BDNF: variants seen among roughly 807,000 people sequenced by gnomAD.
The protein encoded by BDNF is brain derived neurotrophic factor, also known as neurotrophic factor BDNF precursor form.
BDNF carries 1 observed loss-of-function variant against 19.5 expected under a neutral mutation model. The ratio of observed to expected loss-of-function variants is 0.05; its 90% confidence interval spans 0.02 to 0.24. The LOEUF (loss-of-function observed/expected upper bound fraction) is 0.24, where lower values mean the gene tolerates loss of function less well. BDNF is among the 10% of genes least tolerant of loss of function. BDNF has a pLI of 1.00. For synonymous variants in BDNF, 100 were observed against 121.6 expected (o/e 0.82, Z 1.17); for missense variants, 195 against 317.6 (o/e 0.61, Z 2.93).
intron 1 of BDNF, among the ~76,000 whole-genome samples, chr11:27,684,834 C>T (rs1356015147): frequency 6.6e-6 from 1 of 152,154 alleles, no homozygotes; most frequent in African/African-American, 2.4e-5. Flanking sequence ...CATCAATGTT[C>T]ATCAGGGATA....
At position 27,656,922 on chromosome 11, in the gene BDNF, T is replaced by C. The variant is rs890872528; in HGVS notation, c.*899A>G. ...TTCAGAACGCGCAACTGATTTTTCT[T>C]CCTTAAAACAAAACAAAGAGGAGAC... On this transcript the variant is annotated 3_prime_UTR_variant, in exon 2 of 2. Coordinates refer to ENST00000356660, the MANE Select transcript of BDNF (RefSeq NM_001709.5). 3.0e-6 allele frequency: 3 copies of C among 985,168 alleles called. No individual in the cohort carries two copies. Among genetic ancestry groups the C allele is most frequent in the Middle Eastern group, 5.2e-4 (1 of 1,936 alleles). The allele number at this position is 985,168 out of a possible 1,614,324, so 61.0% of individuals were successfully genotyped here.
At chr11:27,681,417 A>G (rs1041141715) in intron 1 of BDNF, among the ~76,000 whole-genome samples, 2 of 152,144 alleles carry the variant, frequency 1.3e-5, no homozygotes, top group African/African-American at 4.8e-5. Context: ...ACACACAATA[A>G]TGTTTTGTTA....
chr11:27,691,931 T>TA (rs555373974), intron 1 of BDNF, among the ~76,000 whole-genome samples: 65 of 152,202 alleles, frequency 4.3e-4, no homozygotes, highest in African/African-American at 1.3e-3. Flanking sequence ...TACTGAACCC[T>TA]AAAAAAATAT....
intron 1 of BDNF, among the ~76,000 whole-genome samples, chr11:27,687,240 G>A (rs1208509089): frequency 6.6e-6 from 1 of 152,120 alleles, no homozygotes; most frequent in East Asian, 1.9e-4. Flanking sequence ...TTCTCGTGCT[G>A]TGTTTTTCAG....
intron 1 of BDNF, among the ~76,000 whole-genome samples, chr11:27,699,870 C>G (rs1859695704): frequency 1.3e-5 from 2 of 152,282 alleles, no homozygotes; most frequent in Non-Finnish European, 2.9e-5. Context: ...GAGGGATCCC[C>G]GGGTCGCCGT....
intron 1 of BDNF, among the ~76,000 whole-genome samples, chr11:27,709,122 C>A (rs1036903256): frequency 2.0e-5 from 3 of 152,120 alleles, no homozygotes; most frequent in African/African-American, 7.2e-5. Context: ...AGCCACCGCG[C>A]CTGGCTAGAA....
At chr11:27,697,197 C>A (rs1236893915) in intron 1 of BDNF, among the ~76,000 whole-genome samples, 1 of 99,516 alleles carries the variant, frequency 1.0e-5, no homozygotes, top group Non-Finnish European at 2.6e-5. Context: ...AGAGAGAGAG[C>A]ACCCCAGGTT....
chr11:27,664,207 A>G (rs1853933547), intron 1 of BDNF, among the ~76,000 whole-genome samples: 1 of 152,166 alleles, frequency 6.6e-6, no homozygotes, highest in South Asian at 2.1e-4. Context: ...GATACAAACT[A>G]TTAAGAGTTG....
chr11:27,701,564 A>G, upstream of BDNF: 1 of 986,638 alleles, frequency 1.0e-6, no homozygotes, highest in East Asian at 1.1e-4. Flanking sequence ...AGGCAGGGAG[A>G]TTTCATGCTA....
At chr11:27,662,252 A>T (rs1853577720) in intron 1 of BDNF, among the ~76,000 whole-genome samples, 1 of 152,188 alleles carries the variant, frequency 6.6e-6, no homozygotes, top group Admixed American at 6.5e-5. Flanking sequence ...GTATTTGCTC[A>T]TTCTAGTCAG....
intron 1 of BDNF, among the ~76,000 whole-genome samples, chr11:27,690,691 A>G (rs1056417261): frequency 3.3e-5 from 5 of 152,194 alleles, no homozygotes; most frequent in Non-Finnish European, 7.4e-5. Context: ...CTGTTACTAA[A>G]TTACTAAATT....
At chr11:27,686,154 CTTCT>C (rs1309832685) in intron 1 of BDNF, among the ~76,000 whole-genome samples, 4 of 152,132 alleles carry the variant, frequency 2.6e-5, no homozygotes, top group African/African-American at 4.8e-5. Context: ...ATGTAATGGC[CTTCT>C]TTGTCTCTTT....
chr11:27,671,702 A>AT (rs1324113203), intron 1 of BDNF, among the ~76,000 whole-genome samples: 1 of 152,180 alleles, frequency 6.6e-6, no homozygotes, highest in Non-Finnish European at 1.5e-5. Context: ...ACAGGCTGAA[A>AT]TTAAGTGAAA....
chr11:27,683,194 G>A (rs1857060421), intron 1 of BDNF, among the ~76,000 whole-genome samples: 1 of 152,154 alleles, frequency 6.6e-6, no homozygotes, highest in Admixed American at 6.5e-5. Context: ...TTTGTTGGCA[G>A]CATAAATTTC....
upstream of BDNF, chr11:27,700,527 C>G (rs1183217408): frequency 2.7e-4 from 126 of 465,252 alleles, 2 homozygotes; most frequent in Non-Finnish European, 3.4e-4. Flanking sequence ...GCCGCCCCCC[C>G]CCCCCCGCCC....
intron 1 of BDNF, among the ~76,000 whole-genome samples, chr11:27,712,114 C>T (rs1026356793): frequency 6.6e-6 from 1 of 152,196 alleles, no homozygotes; most frequent in African/African-American, 2.4e-5. Flanking sequence ...AAAGTTTTCT[C>T]CCAATGCTGA....
rs1787408222 is a variant in BDNF at position 27,658,650 on chromosome 11, G to C, written c.-21-65C>G. 3.1e-6 allele frequency: 5 copies of C among 1,613,446 alleles called. No individual in the cohort carries two copies. The South Asian group carries it at 4.4e-5, about 14-fold the overall frequency. On this transcript the variant is annotated intron_variant, in intron 1 of 1. Transcript: ENST00000356660. The surrounding 1 kb of genome is among the most constrained non-coding windows in gnomAD (Gnocchi z 5.7). ...GGGCTTTCTTTCACCGGGATGCCATGTGGCCCATCTGATTGTAATTCCAGG... is the reference window on the plus strand; with the variant it reads ...GGGCTTTCTTTCACCGGGATGCCATCTGGCCCATCTGATTGTAATTCCAGG...
At position 27,674,156 on chromosome 11, in the gene BDNF, T is replaced by TA. The variant is rs779216661; in HGVS notation, c.-21-15572dup. 7 of 1,611,408 alleles carry TA rather than the reference T, an allele frequency of 4.3e-6. 1 individual carries two copies. The South Asian group carries it at 7.7e-5, about 18-fold the overall frequency. On this transcript the variant is annotated intron_variant, in intron 1 of 1. Coordinates refer to ENST00000356660, the MANE Select transcript of BDNF (RefSeq NM_001709.5). Reference sequence around the variant, plus strand: ...TCTTCTGGGATGCACAGTCATGCCATACAGAAGCGTGTGGGTAGACGCCAA... The same window carrying TA: ...TCTTCTGGGATGCACAGTCATGCCATAACAGAAGCGTGTGGGTAGACGCCAA...
upstream of BDNF, chr11:27,701,615 G>A: frequency 1.0e-6 from 1 of 986,584 alleles, no homozygotes; most frequent in South Asian, 4.7e-5. Flanking sequence ...CCCTCTCCGC[G>A]GTGAATGGGA....
Sources: gnomAD v4.1 joint callset for allele counts (sites outside exome capture counted in the v4.1 genomes callset) on GRCh38, gnomAD v4.1.1 for gene constraint, Gnocchi (gnomAD v3.1) non-coding constraint, MANE v1.5 for transcripts, NCBI Gene and HGNC (gene_info 2026-07-23, HGNC 2026-07-21) for gene names.